The following PDE8B variants were observed in gnomAD, a reference collection of about 807,000 sequenced individuals.
PDE8B encodes the protein phosphodiesterase 8B, also known as high affinity cAMP-specific and IBMX-insensitive 3',5'-cyclic phosphodiesterase 8B.
In PDE8B, 26 loss-of-function variants were observed where a neutral mutation model predicts 101.3. The ratio of observed to expected loss-of-function variants is 0.26; its 90% CI spans 0.19 to 0.36. The LOEUF is 0.36. Ranked by LOEUF, PDE8B falls within the 10% of genes least tolerant of loss-of-function variation. The pLI, the probability that PDE8B is intolerant of heterozygous loss-of-function variation, is 1.00. For missense variants in PDE8B, 810 were observed against 1,163.1 expected (o/e 0.70, Z 4.42); for synonymous variants, 424 against 429.3 (o/e 0.99, Z 0.15).
intron 1 of PDE8B, among the ~76,000 whole-genome samples, chr5:77,254,972 G>A (rs906902136): frequency 6.6e-6 from 1 of 152,184 alleles, no homozygotes; most frequent in Non-Finnish European, 1.5e-5. Context: ...TGTTTCTAGA[G>A]AATCTTTCGT....
At position 77,219,032 on chromosome 5, in the gene PDE8B, A is replaced by G. The variant is rs536726930; in HGVS notation, c.339+7768A>G. ...CTTCACTTGGATTTCCAGAGATGAC[A>G]TAGTAGAATCTTGCCAGTCCAAGGC... On this transcript the variant is annotated intron_variant, in intron 1 of 21. Transcript: ENST00000264917. Among the ~76,000 whole-genome samples, 6 of 152,298 alleles carry G rather than the reference A, an allele frequency of 3.9e-5. No individual in the cohort carries two copies. The South Asian group carries it at 1.2e-3, about 32-fold the overall frequency.
intron 10 of PDE8B, among the ~76,000 whole-genome samples, chr5:77,361,085 C>T (rs1402514188): frequency 6.6e-6 from 1 of 152,192 alleles, no homozygotes; most frequent in Non-Finnish European, 1.5e-5. Flanking sequence ...AAGCACATAA[C>T]TATATTTTAC....
intron 2 of PDE8B, among the ~76,000 whole-genome samples, chr5:77,320,442 A>G (rs1774793998): frequency 6.6e-6 from 1 of 152,190 alleles, no homozygotes; most frequent in Non-Finnish European, 1.5e-5. Context: ...CTGTGTTTAC[A>G]AGGGTACAGT....
intron 2 of PDE8B, among the ~76,000 whole-genome samples, chr5:77,316,468 G>A (rs1322335485): frequency 1.3e-5 from 2 of 152,190 alleles, no homozygotes; most frequent in South Asian, 2.1e-4. Context: ...TTCTGACCTC[G>A]TGATTTGCCT....
the PDE8B span, among the ~76,000 whole-genome samples, chr5:77,108,235 G>A: frequency 1.3e-5 from 2 of 152,116 alleles, no homozygotes; most frequent in East Asian, 1.9e-4. Context: ...TATTTGGTAA[G>A]GGCAAATTTT....
At chr5:77,424,827 T>TTG (rs1554104700) in intron 20 of PDE8B, among the ~76,000 whole-genome samples, 1 of 45,790 alleles carries the variant, frequency 2.2e-5, no homozygotes, top group Non-Finnish European at 5.9e-5. Flanking sequence ...TTGTTTTTTG[T>TTG]TTTTTGTTTT....
chr5:77,303,072 G>A (rs1770339996), intron 1 of PDE8B, among the ~76,000 whole-genome samples: 1 of 152,114 alleles, frequency 6.6e-6, no homozygotes, highest in Non-Finnish European at 1.5e-5. Context: ...AAAAGCATGT[G>A]TAGAATATTT....
intron 1 of PDE8B, among the ~76,000 whole-genome samples, chr5:77,222,896 A>C (rs1040283317): frequency 3.9e-5 from 6 of 152,220 alleles, no homozygotes; most frequent in South Asian, 2.1e-4. Context: ...GCTGCCAGAC[A>C]TAAATAGGAT....
chr5:77,094,817 A>G, the PDE8B span, among the ~76,000 whole-genome samples: 1 of 151,950 alleles, frequency 6.6e-6, no homozygotes, highest in South Asian at 2.1e-4. Context: ...GAGGCACCAG[A>G]CTCTTTTTAA....
the PDE8B span, among the ~76,000 whole-genome samples, chr5:77,172,931 GTTTGTAATGCATATTTCTTTGA>G: frequency 6.6e-6 from 1 of 152,180 alleles, no homozygotes; most frequent in Non-Finnish European, 1.5e-5. Flanking sequence ...TAAGCAAATG[GTTTGTAATGCATATTTCTTTGA>G]TTTGGATGCA....
chr5:77,386,035 C>G (rs1305332382), intron 10 of PDE8B, among the ~76,000 whole-genome samples: 1 of 152,188 alleles, frequency 6.6e-6, no homozygotes, highest in African/African-American at 2.4e-5. Flanking sequence ...TATCCACCTG[C>G]CTTGGCATCC....
chr5:77,285,589 T>G (rs1765844745), intron 1 of PDE8B, among the ~76,000 whole-genome samples: 1 of 152,216 alleles, frequency 6.6e-6, no homozygotes. Flanking sequence ...TTCTTTGTAT[T>G]TTTCCTGTCT....
intron 2 of PDE8B, among the ~76,000 whole-genome samples, chr5:77,314,424 C>T (rs1207502524): frequency 2.0e-5 from 3 of 152,008 alleles, no homozygotes; most frequent in Non-Finnish European, 4.4e-5. Flanking sequence ...GTGGGGGCTT[C>T]GGGGAGCTAG....
At chr5:77,255,287 A>G (rs1485870896) in intron 1 of PDE8B, among the ~76,000 whole-genome samples, 4 of 152,082 alleles carry the variant, frequency 2.6e-5, no homozygotes, top group Non-Finnish European at 5.9e-5. Context: ...CTCCCTATGC[A>G]TTAATTGAAG....
the PDE8B span, among the ~76,000 whole-genome samples, chr5:77,155,853 T>C: frequency 1.3e-5 from 2 of 152,180 alleles, no homozygotes; most frequent in Admixed American, 6.5e-5. Context: ...AAATTCAAGA[T>C]AAGAAAAACA....
the PDE8B span, among the ~76,000 whole-genome samples, chr5:77,202,944 C>T: frequency 1.7e-4 from 26 of 152,180 alleles, no homozygotes; most frequent in African/African-American, 5.8e-4. Flanking sequence ...TGTGGATTTT[C>T]GACTGTGTAG....
At position 77,211,894 on chromosome 5, in the gene PDE8B, G is replaced by A. The variant is rs1212896885; in HGVS notation, c.339+630G>A. Among the ~76,000 whole-genome samples the A allele has an allele frequency of 6.6e-6, 1 of 152,142 alleles. No individual in the cohort carries two copies. The highest frequency in any genetic ancestry group is 1.5e-5 in the Non-Finnish European group (1 of 68,020). ...GGCTGCATCCTAGACAGAATTGAGA[G>A]AACCGGGCCATGAGTTCGGAGTGTC... On this transcript the variant is annotated intron_variant, in intron 1 of 21. Coordinates refer to ENST00000264917, the MANE Select transcript of PDE8B (RefSeq NM_003719.5). The surrounding 1 kb of genome is among the most constrained non-coding windows in gnomAD (Gnocchi z 4.1).
chr5:77,395,362 G>T (rs368777187), intron 10 of PDE8B, among the ~76,000 whole-genome samples: 1 of 151,592 alleles, frequency 6.6e-6, no homozygotes, highest in Non-Finnish European at 1.5e-5. Context: ...TGATCCGCCC[G>T]CCTCAGCCTC....
chr5:77,129,990 G>T, the PDE8B span, among the ~76,000 whole-genome samples: 24 of 152,088 alleles, frequency 1.6e-4, 1 homozygote, highest in African/African-American at 5.3e-4. Context: ...CTCTCATCTC[G>T]ATTCTGTTTT....
Sources: allele counts gnomAD v4.1 joint callset (sites outside exome capture counted in the v4.1 genomes callset), GRCh38; gene constraint gnomAD v4.1.1; non-coding constraint Gnocchi (gnomAD v3.1); transcripts MANE v1.5; gene names NCBI Gene and HGNC (gene_info 2026-07-23, HGNC 2026-07-21).